The following ATAD2B variants were observed in gnomAD, a reference collection of about 807,000 sequenced individuals.
ATAD2B encodes ATPase family AAA domain-containing protein 2B.
Under a neutral mutation model 167.6 loss-of-function variants are expected in ATAD2B, and 40 were observed. The observed-to-expected ratio is 0.24, with a 90% CI of 0.19 to 0.31. ATAD2B has a LOEUF of 0.31. Ranked by LOEUF, ATAD2B falls within the 10% of genes least tolerant of loss-of-function variation. The probability of loss-of-function intolerance (pLI) is 1.00; values close to 1 mark genes in which losing one functional copy is unlikely to be tolerated. For missense variants in ATAD2B, 1,242 were observed against 1,757.2 expected, an observed-to-expected ratio of 0.71 and a Z score of 5.24; for synonymous variants, 579 against 596.5, an observed-to-expected ratio of 0.97 and a Z score of 0.43.
intron 8 of ATAD2B, among the ~76,000 whole-genome samples, chr2:23,871,981 G>A (rs1390874508): frequency 6.6e-6 from 1 of 152,028 alleles, no homozygotes; most frequent in African/African-American, 2.4e-5. Flanking sequence ...GGGTTCACGC[G>A]ATTCTCCTGC....
the ATAD2B span, among the ~76,000 whole-genome samples, chr2:23,743,460 G>C: frequency 6.6e-6 from 1 of 151,380 alleles, no homozygotes; most frequent in East Asian, 2.0e-4. Context: ...CTGCTTGGGA[G>C]ACTGAGGCAG....
the ATAD2B span, chr2:23,696,287 C>T: frequency 6.5e-7 from 1 of 1,536,818 alleles, no homozygotes; most frequent in Non-Finnish European, 8.8e-7. The surrounding 1 kb of genome is among the most constrained non-coding windows in gnomAD (Gnocchi z 5.5). Flanking sequence ...GACCCCAGGC[C>T]CCTCCTCACC....
chr2:23,852,546 G>T (rs72786288), intron 13 of ATAD2B, among the ~76,000 whole-genome samples: 18,317 of 152,172 alleles, frequency 0.12, 1,180 homozygotes, highest in Middle Eastern at 0.22. Flanking sequence ...ATTAGCAAGT[G>T]GAATCCAATA....
chr2:23,788,880 C>T (rs1005498150), intron 19 of ATAD2B, among the ~76,000 whole-genome samples: 1 of 151,978 alleles, frequency 6.6e-6, no homozygotes, highest in African/African-American at 2.4e-5. Flanking sequence ...AATGATACTA[C>T]ATATCTAGTA....
Position 23,881,160 on chromosome 2 carries a change from A to C in ATAD2B, c.785-405T>G, listed in dbSNP as rs560021788. Reference sequence around the variant, plus strand: ...AAATACCACTTGATAATTCAAAAAAATATGCTTATAGGTAATTACTAATGT... The same window carrying C: ...AAATACCACTTGATAATTCAAAAAACTATGCTTATAGGTAATTACTAATGT... On this transcript the variant is annotated intron_variant, in intron 6 of 27. Coordinates refer to ENST00000238789, the MANE Select transcript of ATAD2B (RefSeq NM_017552.4). 2.0e-5 allele frequency among the ~76,000 whole-genome samples: 3 copies of C among 152,314 alleles called. No individual in the cohort carries two copies. In the East Asian group the frequency reaches 5.8e-4, roughly 29 times the overall value.
rs554886746 is a variant in ATAD2B at position 23,883,698 on chromosome 2, T to C, written c.784+1067A>G. 1.5e-5 allele frequency: 13 copies of C among 849,966 alleles called. No individual in the cohort carries two copies. In the East Asian group the frequency reaches 2.7e-4, roughly 17 times the overall value. 52.7% of individuals were successfully genotyped at this position (849,966 alleles called of 1,614,324 possible). The stretch of plus-strand genomic sequence containing the variant: ...CATTAGAAATATCACCTCTTCAAAA[T>C]TGACTAATAAAATATTAACTACAGA... On this transcript the variant is annotated intron_variant, in intron 6 of 27. Coordinates refer to ENST00000238789, the MANE Select transcript of ATAD2B (RefSeq NM_017552.4).
intron 1 of ATAD2B, among the ~76,000 whole-genome samples, chr2:23,921,751 T>C (rs771779271): frequency 1.3e-5 from 2 of 152,162 alleles, no homozygotes; most frequent in South Asian, 2.1e-4. Context: ...GCAGGGAACA[T>C]TGTCACGTTA....
chr2:23,853,620 C>T (rs1376768954), intron 13 of ATAD2B, among the ~76,000 whole-genome samples: 2 of 152,192 alleles, frequency 1.3e-5, no homozygotes, highest in South Asian at 4.1e-4. Flanking sequence ...AATAAGGATG[C>T]AATTCTTCCC....
the ATAD2B span, chr2:23,691,758 G>A: frequency 6.4e-7 from 1 of 1,551,790 alleles, no homozygotes; most frequent in Non-Finnish European, 8.7e-7. Context: ...TGGAGTTGCT[G>A]CTGGAGTTTG....
downstream of ATAD2B, among the ~76,000 whole-genome samples, chr2:23,747,456 GAACA>G (rs1674957506): frequency 6.6e-6 from 1 of 151,886 alleles, no homozygotes; most frequent in African/African-American, 2.4e-5. Context: ...AAAAAAACAA[GAACA>G]AACTTTGGTA....
intron 19 of ATAD2B, among the ~76,000 whole-genome samples, chr2:23,791,726 T>C (rs1014792294): frequency 6.6e-6 from 1 of 152,232 alleles, no homozygotes; most frequent in African/African-American, 2.4e-5. Flanking sequence ...TTCTCCTTTT[T>C]AAGGCTAAAT....
the ATAD2B span, among the ~76,000 whole-genome samples, chr2:23,738,018 G>A: frequency 2.6e-5 from 4 of 152,142 alleles, no homozygotes; most frequent in African/African-American, 7.2e-5. Context: ...AAAAAGAAAC[G>A]AACAAAGCCT....
At chr2:23,812,240 A>T (rs2149553081) in intron 17 of ATAD2B, among the ~76,000 whole-genome samples, 1 of 152,206 alleles carries the variant, frequency 6.6e-6, no homozygotes, top group East Asian at 1.9e-4. Context: ...AAGAAATAGA[A>T]AAATCAATAG....
At chr2:23,780,248 CA>C (rs990130530) in intron 22 of ATAD2B, among the ~76,000 whole-genome samples, 13 of 129,422 alleles carry the variant, frequency 1.0e-4, no homozygotes, top group Admixed American at 1.6e-4. Context: ...ATGCTGTCTC[CA>C]AAAAAAAAAG....
At chr2:23,744,983 T>C (rs1026110569), downstream of ATAD2B, among the ~76,000 whole-genome samples, 8 of 152,118 alleles carry the variant, frequency 5.3e-5, no homozygotes, top group African/African-American at 1.9e-4. Flanking sequence ...TTTAAAAATG[T>C]TTATTCCTAG....
chr2:23,694,396 G>A, the ATAD2B span, among the ~76,000 whole-genome samples: 1 of 151,884 alleles, frequency 6.6e-6, no homozygotes, highest in Admixed American at 6.6e-5. Flanking sequence ...CAGGATTACT[G>A]CAGCACCTCC....
chr2:23,709,458 T>C, the ATAD2B span, among the ~76,000 whole-genome samples: 1 of 152,222 alleles, frequency 6.6e-6, no homozygotes, highest in Admixed American at 6.5e-5. Context: ...GCTAAGGACT[T>C]GCGTGCCAGG....
At chr2:23,698,898 A>G in the ATAD2B span, among the ~76,000 whole-genome samples, 20 of 152,304 alleles carry the variant, frequency 1.3e-4, no homozygotes, top group African/African-American at 4.1e-4. Flanking sequence ...CATCATACTG[A>G]AAGACTGAGG....
the ATAD2B span, among the ~76,000 whole-genome samples, chr2:23,720,257 G>A: frequency 1.3e-5 from 2 of 152,166 alleles, no homozygotes; most frequent in African/African-American, 4.8e-5. Context: ...GAGGAGTGTA[G>A]ACCTACCTAT....
Sources: gnomAD v4.1 joint callset for allele counts (sites outside exome capture counted in the v4.1 genomes callset) on GRCh38, gnomAD v4.1.1 for gene constraint, Gnocchi (gnomAD v3.1) non-coding constraint, MANE v1.5 for transcripts, NCBI Gene and HGNC (gene_info 2026-07-23, HGNC 2026-07-21) for gene names.